The following ISM1 variants were observed in gnomAD, a reference collection of about 807,000 sequenced individuals.
ISM1 encodes the protein isthmin 1, also known as isthmin-1.
ISM1 carries 25 observed loss-of-function variants against 46.3 expected under a neutral mutation model. That is an observed-to-expected ratio of 0.54 (90% CI 0.39 to 0.75). The LOEUF is 0.75. Ranked by LOEUF, ISM1 falls within the 30% of genes least tolerant of loss-of-function variation. The pLI is 0.00. For missense variants in ISM1, 536 were observed against 625.4 expected, an observed-to-expected ratio of 0.86 and a Z score of 1.52; for synonymous variants, 255 against 256.7, an observed-to-expected ratio of 0.99 and a Z score of 0.06.
the ISM1 span, among the ~76,000 whole-genome samples, chr20:13,317,254 C>T: frequency 6.1e-4 from 93 of 151,498 alleles, no homozygotes; most frequent in African/African-American, 1.8e-3. Context: ...ACCAAAAAAA[C>T]AAAACAAAAC....
the ISM1 span, among the ~76,000 whole-genome samples, chr20:13,319,651 T>A: frequency 1.3e-5 from 2 of 152,234 alleles, no homozygotes; most frequent in Non-Finnish European, 2.9e-5. Flanking sequence ...TCCAGAGTTC[T>A]AAGGTTGCTA....
At chr20:13,270,884 A>C in intron 2 of ISM1, 141 bp downstream of exon 2, 6 of 770,390 alleles carry the variant, frequency 7.8e-6, no homozygotes, top group East Asian at 2.7e-5. Flanking sequence ...TGTTATCTCC[A>C]TAAGAACAGT....
the ISM1 span, among the ~76,000 whole-genome samples, chr20:13,315,014 T>TA: frequency 5.9e-5 from 9 of 151,544 alleles, no homozygotes; most frequent in East Asian, 1.7e-3. Context: ...GAGCAACTGC[T>TA]AAAAAAAAGT....
chr20:13,311,258 T>TAGATGATAGAA, the ISM1 span, among the ~76,000 whole-genome samples: 4 of 118,632 alleles, frequency 3.4e-5, no homozygotes, highest in African/African-American at 1.2e-4. Flanking sequence ...GATAGATAGA[T>TAGATGATAGAA]AGATAGATAG....
the ISM1 span, among the ~76,000 whole-genome samples, chr20:13,311,243 T>TGATAGATTGATA: frequency 4.7e-5 from 6 of 127,924 alleles, no homozygotes; most frequent in African/African-American, 1.8e-4. Flanking sequence ...GATAGATAGA[T>TGATAGATTGATA]GATAGATAGA....
At chr20:13,279,518 C>T in intron 2 of ISM1, 116 bp from the exon 3 acceptor site, 2 of 1,040,590 alleles carry the variant, frequency 1.9e-6, no homozygotes, top group Admixed American at 2.6e-5. Context: ...CTCAGCTTTC[C>T]TTCACAACGG....
At chr20:13,230,092 G>C (rs2039572054) in intron 1 of ISM1, among the ~76,000 whole-genome samples, 2 of 152,088 alleles carry the variant, frequency 1.3e-5, no homozygotes, top group Admixed American at 1.3e-4. Context: ...TAATCTTTGA[G>C]GTTTGGGGGC....
chr20:13,223,182 TAAAATA>T (rs1430693860), intron 1 of ISM1, among the ~76,000 whole-genome samples: 17 of 146,506 alleles, frequency 1.2e-4, no homozygotes, highest in African/African-American at 4.1e-4. Flanking sequence ...TAAAATAAAA[TAAAATA>T]AAATAAATAA....
chr20:13,226,616 A>G (rs908253577), intron 1 of ISM1, among the ~76,000 whole-genome samples: 3 of 152,158 alleles, frequency 2.0e-5, no homozygotes, highest in Non-Finnish European at 2.9e-5. Context: ...TGTTGGCTTC[A>G]TGTGGGCTAG....
intron 1 of ISM1, among the ~76,000 whole-genome samples, chr20:13,261,243 G>A (rs559495998): frequency 2.1e-4 from 32 of 151,986 alleles, no homozygotes; most frequent in Middle Eastern, 3.4e-3. Flanking sequence ...GTAAAACCCC[G>A]TCTCTACTAA....
chr20:13,258,683 G>A (rs369015072), intron 1 of ISM1, among the ~76,000 whole-genome samples: 6 of 152,062 alleles, frequency 3.9e-5, no homozygotes, highest in African/African-American at 1.2e-4. Context: ...TAGAATTCTC[G>A]TTGGTGAGAA....
intron 1 of ISM1, among the ~76,000 whole-genome samples, chr20:13,230,875 G>C (rs57877502): frequency 0.27 from 41,332 of 151,936 alleles, 5,931 homozygotes; most frequent in African/African-American, 0.37. Context: ...CTTTCTTTCT[G>C]TGGCTTATCA....
the ISM1 span, among the ~76,000 whole-genome samples, chr20:13,324,701 G>A: frequency 1.3e-5 from 2 of 152,162 alleles, no homozygotes; most frequent in African/African-American, 4.8e-5. Flanking sequence ...CAATTTTCCA[G>A]GCATAATCTC....
At chr20:13,222,560 T>C (rs2039463787) in intron 1 of ISM1, among the ~76,000 whole-genome samples, 1 of 152,046 alleles carries the variant, frequency 6.6e-6, no homozygotes, top group South Asian at 2.1e-4. Flanking sequence ...CGGTAGTGAT[T>C]TGGGCCAGGG....
At chr20:13,226,291 A>T (rs1400943497) in intron 1 of ISM1, among the ~76,000 whole-genome samples, 1 of 152,236 alleles carries the variant, frequency 6.6e-6, no homozygotes, top group Non-Finnish European at 1.5e-5. Context: ...CAAGCCACTT[A>T]TAGCAGTAGA....
intron 5 of ISM1, among the ~76,000 whole-genome samples, chr20:13,296,406 A>G (rs1389676323): frequency 6.6e-6 from 1 of 152,222 alleles, no homozygotes; most frequent in African/African-American, 2.4e-5. Flanking sequence ...CAGTAAGGAG[A>G]GGATTTATTC....
At position 13,298,926 on chromosome 20, in the gene ISM1, C is replaced by T. The variant is rs778504431; in HGVS notation, c.878-16C>T. ...TTGTACACGCGGTGAGAGGGTTTCT[C>T]TTTGGCCTTTTCCAGACACAGACAG... On this transcript the variant is annotated splice_polypyrimidine_tract_variant and intron_variant, in intron 5 of 5. Coordinates refer to ENST00000262487, the MANE Select transcript of ISM1 (RefSeq NM_080826.2). 3 of 1,611,410 alleles carry T rather than the reference C, an allele frequency of 1.9e-6. No homozygotes were observed. The highest frequency in any genetic ancestry group is 2.5e-6 in the Non-Finnish European group (3 of 1,178,534).
chr20:13,320,901 G>A, the ISM1 span, among the ~76,000 whole-genome samples: 1 of 152,068 alleles, frequency 6.6e-6, no homozygotes, highest in Non-Finnish European at 1.5e-5. Context: ...AGGTGATGGT[G>A]GAAATCATCT....
At chr20:13,289,324 C>T (rs1042742247) in intron 4 of ISM1, among the ~76,000 whole-genome samples, 1 of 152,188 alleles carries the variant, frequency 6.6e-6, no homozygotes, top group South Asian at 2.1e-4. Context: ...GGATGAGAGG[C>T]TTGACAACCA....
Sources: allele counts gnomAD v4.1 joint callset (sites outside exome capture counted in the v4.1 genomes callset), GRCh38; gene constraint gnomAD v4.1.1; transcripts MANE v1.5; gene names NCBI Gene and HGNC (gene_info 2026-07-23, HGNC 2026-07-21).